The following JADE1 variants were observed in gnomAD, a reference collection of about 807,000 sequenced individuals.
The protein encoded by JADE1 is jade family PHD finger 1, also known as protein Jade-1.
A neutral mutation model predicts 81.8 loss-of-function variants in JADE1; 14 were observed. That is an observed-to-expected ratio of 0.17 (90% CI 0.11 to 0.27). The LOEUF is 0.27. JADE1 is among the 10% of genes least tolerant of loss of function. The probability of loss-of-function intolerance (pLI) is 1.00; values close to 1 mark genes in which losing one functional copy is unlikely to be tolerated. For missense variants in JADE1, 690 were observed against 1,047.9 expected (o/e 0.66, Z 4.71); for synonymous variants, 353 against 391.9 (o/e 0.90, Z 1.17).
intron 1 of JADE1, among the ~76,000 whole-genome samples, chr4:128,820,263 C>T (rs759206394): frequency 6.6e-6 from 1 of 152,126 alleles, no homozygotes; most frequent in Non-Finnish European, 1.5e-5. Context: ...AGGCATGTGC[C>T]ACCATGCCTG....
Position 128,862,135 on chromosome 4 carries a change from A to G in JADE1, c.1413A>G (p.Lys471=), listed in dbSNP as rs1400614765. Residue 471 remains lysine, a synonymous_variant, in exon 9 of 11, where the codon AAA becomes AAG. Transcript: ENST00000226319. ...NFNKPLITPK[K]DEEDNLAKRE... ...ACAAGCCCCTGATCACCCCAAAGAA[A>G]GATGAAGAGGACAATCTAGCCAAGC... 8 of 1,614,108 alleles carry G rather than the reference A, an allele frequency of 5.0e-6. No homozygotes were observed. The highest frequency in any genetic ancestry group is 6.8e-6 in the Non-Finnish European group (8 of 1,180,048).
At chr4:128,815,945 C>T (rs751874027) in intron 1 of JADE1, among the ~76,000 whole-genome samples, 1 of 151,564 alleles carries the variant, frequency 6.6e-6, no homozygotes, top group Admixed American at 6.6e-5. Context: ...GTGAAAGTTA[C>T]GTCACGTTTA....
At chr4:128,852,823 A>G (rs1325661633) in intron 6 of JADE1, among the ~76,000 whole-genome samples, 2 of 152,046 alleles carry the variant, frequency 1.3e-5, no homozygotes, top group Admixed American at 1.3e-4. Flanking sequence ...TTCGTAGCTT[A>G]TGGTGATTTG....
Position 128,849,025 on chromosome 4 carries a change from G to A in JADE1, c.342G>A (p.Lys114=), listed in dbSNP as rs1730115021. 4 of 1,614,164 alleles carry A rather than the reference G, an allele frequency of 2.5e-6. No individual in the cohort carries two copies. Among genetic ancestry groups the A allele is most frequent in the Middle Eastern group, 1.7e-4 (1 of 6,056 alleles). The change falls in exon 5 of 11, where the codon AAG becomes AAA. Residue 114 remains lysine (K), a synonymous_variant. Coordinates refer to ENST00000226319, the MANE Select transcript of JADE1 (RefSeq NM_199320.4). ...CCCTCATGTTCATCAGGCCCAAGAA[G>A]TACATCGTGTCATCAGGCTCTGAGC... The part of the protein sequence containing the change: ...EKSLMFIRPK[K]YIVSSGSEPP...
chr4:128,811,055 C>T (rs1726306144), intron 1 of JADE1, among the ~76,000 whole-genome samples: 1 of 152,180 alleles, frequency 6.6e-6, no homozygotes, highest in Admixed American at 6.5e-5. Flanking sequence ...TGTCTTGTGC[C>T]TGTGAGTCTG....
At chr4:128,854,153 A>C (rs1730601026) in intron 6 of JADE1, among the ~76,000 whole-genome samples, 1 of 151,798 alleles carries the variant, frequency 6.6e-6, no homozygotes, top group Non-Finnish European at 1.5e-5. Flanking sequence ...CTGTGTTATC[A>C]GTGAGTTAAC....
chr4:128,836,821 C>T (rs1164289133), intron 2 of JADE1, among the ~76,000 whole-genome samples: 1 of 150,028 alleles, frequency 6.7e-6, no homozygotes, highest in Admixed American at 6.7e-5. Flanking sequence ...ATTGCCCGCT[C>T]AGCTCACAGC....
At position 128,872,383 on chromosome 4, in the gene JADE1, A is replaced by C; in HGVS notation, c.*121A>C. ...GAGCTACACAAACACATTTACTTGC[A>C]ATTCAGATTAATTTTTTTCCAGAGT... On this transcript the variant is annotated 3_prime_UTR_variant, in exon 11 of 11. Transcript: ENST00000226319. The C allele has an allele frequency of 1.2e-6, 1 of 803,382 alleles. No individual in the cohort carries two copies. Among genetic ancestry groups the C allele is most frequent in the African/African-American group, 1.7e-5 (1 of 57,572 alleles). The allele number at this position is 803,382 out of a possible 1,614,324, so 49.8% of individuals were successfully genotyped here. A position where few individuals can be genotyped will look rare whatever the true frequency, so the allele number is the denominator to read the frequency against.
intron 2 of JADE1, among the ~76,000 whole-genome samples, chr4:128,835,556 C>G (rs1728913220): frequency 6.6e-6 from 1 of 152,156 alleles, no homozygotes; most frequent in Non-Finnish European, 1.5e-5. Context: ...ATGAGCCCTA[C>G]CTGGGTTAAC....
At chr4:128,867,647 C>A (rs1731879517) in intron 9 of JADE1, among the ~76,000 whole-genome samples, 1 of 152,208 alleles carries the variant, frequency 6.6e-6, no homozygotes, top group Non-Finnish European at 1.5e-5. Context: ...GATGTTGCTT[C>A]TGCCTATGTT....
At chr4:128,854,082 T>A (rs556784731) in intron 6 of JADE1, among the ~76,000 whole-genome samples, 1 of 152,276 alleles carries the variant, frequency 6.6e-6, no homozygotes, top group African/African-American at 2.4e-5. Flanking sequence ...TTACTTGCTA[T>A]TTTTTTCCCC....
chr4:128,813,058 C>T (rs1451214507), intron 1 of JADE1, among the ~76,000 whole-genome samples: 1 of 152,192 alleles, frequency 6.6e-6, no homozygotes, highest in Non-Finnish European at 1.5e-5. Context: ...TAATACCTTT[C>T]AAAGCTAATG....
At chr4:128,869,603 G>T (rs1040502355) in intron 10 of JADE1, among the ~76,000 whole-genome samples, 1 of 152,174 alleles carries the variant, frequency 6.6e-6, no homozygotes, top group Non-Finnish European at 1.5e-5. Flanking sequence ...TTGCAGGCAG[G>T]TTTTTGCATT....
At chr4:128,826,521 C>T in intron 1 of JADE1, among the ~76,000 whole-genome samples, 1 of 150,850 alleles carries the variant, frequency 6.6e-6, no homozygotes, top group East Asian at 2.0e-4. Context: ...CCACGCCTGG[C>T]TAATTTTTGT....
chr4:128,863,154 T>A (rs1731501314), intron 9 of JADE1: 1 of 985,432 alleles, frequency 1.0e-6, no homozygotes, highest in Non-Finnish European at 1.2e-6. Context: ...TTCCATCACC[T>A]CTGGAGTCCC....
intron 3 of JADE1, among the ~76,000 whole-genome samples, chr4:128,844,690 C>T (rs755618417): frequency 6.6e-6 from 1 of 152,028 alleles, no homozygotes; most frequent in Non-Finnish European, 1.5e-5. Context: ...CCTGCTTCTG[C>T]GGCTCTATGC....
In JADE1 at chr4:128,852,252, A is replaced by G; in HGVS notation, c.680A>G (p.Asn227Ser). Residue 227 changes from asparagine (N) to serine (S), a missense_variant, in exon 6 of 11, where the codon AAC becomes AGC. By Grantham distance (46) the Asn-to-Ser change is conservative (BLOSUM62 1). Transcript: ENST00000226319. ...GAGATGGTGTTCTGTGACAAATGCA[A>G]CATCTGTGTGCACCAGGTATGTGGG... ...GNEMVFCDKCNICVHQACYGI... is the reference protein window; with the variant it reads ...GNEMVFCDKCSICVHQACYGI... 1 of 1,613,966 alleles carries G rather than the reference A, an allele frequency of 6.2e-7. No individual in the cohort carries two copies. Among genetic ancestry groups the G allele is most frequent in the Non-Finnish European group, 8.5e-7 (1 of 1,179,834 alleles).
At chr4:128,845,932 A>G (rs965983803) in intron 3 of JADE1, among the ~76,000 whole-genome samples, 4 of 152,026 alleles carry the variant, frequency 2.6e-5, no homozygotes, top group Non-Finnish European at 5.9e-5. Context: ...TCAGAAAAAA[A>G]AAAAAGGAGA....
chr4:128,863,760 A>G (rs1731564812), intron 9 of JADE1: 1 of 985,426 alleles, frequency 1.0e-6, no homozygotes. Flanking sequence ...TGAGAAGGAT[A>G]AACTGGAATC....
Sources: gnomAD v4.1 joint callset for allele counts (sites outside exome capture counted in the v4.1 genomes callset) on GRCh38, gnomAD v4.1.1 for gene constraint, MANE v1.5 for transcripts, NCBI Gene and HGNC (gene_info 2026-07-23, HGNC 2026-07-21) for gene names.